Variants in KLF13 observed in about 807,000 individuals in gnomAD.
KLF13 encodes KLF transcription factor 13.
In KLF13, 8 loss-of-function variants were observed where a neutral mutation model predicts 16.7. The observed-to-expected ratio is 0.48, with a 90% CI of 0.28 to 0.87. The LOEUF (loss-of-function observed/expected upper bound fraction) is 0.87, where lower values mean the gene tolerates loss of function less well. Among genes scored for constraint, KLF13 ranks in the 40% least tolerant of loss-of-function variants. KLF13 has a pLI of 0.10. For synonymous variants in KLF13, 245 were observed against 208.4 expected, an observed-to-expected ratio of 1.18 and a Z score of -1.51; for missense variants, 447 against 452.2, an observed-to-expected ratio of 0.99 and a Z score of 0.10.
At position 31,376,400 on chromosome 15, in the gene KLF13, T is replaced by C. The variant is rs1206368507; in HGVS notation, c.*4101T>C. 1.3e-5 allele frequency: 2 copies of C among 152,308 alleles called. No homozygotes were observed. The highest frequency in any genetic ancestry group is 3.8e-4 in the East Asian group (2 of 5,198). The allele number at this position is 152,308 out of a possible 1,614,324, so 9.4% of individuals were successfully genotyped here. A position where few individuals can be genotyped will look rare whatever the true frequency, so the allele number is the denominator to read the frequency against. ...CACAGTGCTAGAGGTTTAAAGGGTG[T>C]AATGTGTTGGTCACATCACAACCAG... On this transcript the variant is annotated 3_prime_UTR_variant, in exon 2 of 2. Coordinates refer to ENST00000307145, the MANE Select transcript of KLF13 (RefSeq NM_015995.4).
chr15:31,412,131 G>A (rs2040203065), intron 1 of KLF13, among the ~76,000 whole-genome samples: 1 of 152,186 alleles, frequency 6.6e-6, no homozygotes. Context: ...AGTGGGATTA[G>A]CGCCCTTATA....
In KLF13 at chr15:31,326,895, G is replaced by C. The variant is rs1214791286; in HGVS notation, c.-318G>C. On this transcript the variant is annotated 5_prime_UTR_variant, in exon 1 of 2. Coordinates refer to ENST00000307145, the MANE Select transcript of KLF13 (RefSeq NM_015995.4). ...CTGCCACAATGCGCGGCGAAGCTGC[G>C]GCCGCGACTTGGCGAGGTGGTCCCT... 2 of 151,478 alleles carry C rather than the reference G, an allele frequency of 1.3e-5. No homozygotes were observed. The highest frequency in any genetic ancestry group is 1.3e-4 in the Admixed American group (2 of 15,170). 9.4% of individuals were successfully genotyped at this position (151,478 alleles called of 1,614,324 possible).
intron 1 of KLF13, among the ~76,000 whole-genome samples, chr15:31,365,710 A>G (rs975536617): frequency 2.0e-5 from 3 of 152,142 alleles, no homozygotes; most frequent in African/African-American, 7.2e-5. Flanking sequence ...GCAGGAGGGC[A>G]GAGCAGAGTG....
At chr15:31,351,712 G>A (rs2039219687) in intron 1 of KLF13, among the ~76,000 whole-genome samples, 1 of 152,208 alleles carries the variant, frequency 6.6e-6, no homozygotes, top group East Asian at 1.9e-4. Context: ...GCTGTTGGAT[G>A]TCTAAAAGGG....
chr15:31,357,662 C>T (rs1490967079), intron 1 of KLF13, among the ~76,000 whole-genome samples: 6 of 152,156 alleles, frequency 3.9e-5, no homozygotes, highest in Non-Finnish European at 8.8e-5. Context: ...GTCGTCAGTC[C>T]AGAGCTCCCT....
At chr15:31,386,431 G>A (rs1017236462) in intron 1 of KLF13, among the ~76,000 whole-genome samples, 5 of 152,252 alleles carry the variant, frequency 3.3e-5, no homozygotes, top group East Asian at 1.9e-4. Context: ...TCTGGGAGGC[G>A]GAGGTTGCAG....
chr15:31,405,040 T>G (rs915267577), downstream of KLF13, among the ~76,000 whole-genome samples: 1 of 152,208 alleles, frequency 6.6e-6, no homozygotes, highest in Non-Finnish European at 1.5e-5. Flanking sequence ...GATGGAACCA[T>G]GTGCCCCTGA....
At chr15:31,337,384 C>G (rs1248798204) in intron 1 of KLF13, among the ~76,000 whole-genome samples, 1 of 152,258 alleles carries the variant, frequency 6.6e-6, no homozygotes, top group East Asian at 1.9e-4. Context: ...TGGCCCCTTG[C>G]AGCTGTGTGT....
At chr15:31,405,658 A>C (rs1400743193), downstream of KLF13, among the ~76,000 whole-genome samples, 1 of 152,142 alleles carries the variant, frequency 6.6e-6, no homozygotes, top group Non-Finnish European at 1.5e-5. Context: ...GAAGCTGGGT[A>C]CCCTCTGGTG....
upstream of KLF13, among the ~76,000 whole-genome samples, chr15:31,392,378 G>C (rs1044440883): frequency 2.0e-5 from 3 of 152,244 alleles, no homozygotes; most frequent in Non-Finnish European, 2.9e-5. Context: ...GGGGCGCCGA[G>C]TCACGGGTCG....
intron 1 of KLF13, among the ~76,000 whole-genome samples, chr15:31,431,626 G>A (rs1352618842): frequency 1.3e-5 from 2 of 152,034 alleles, no homozygotes; most frequent in Non-Finnish European, 2.9e-5. Context: ...CATCATGTCC[G>A]GCTAATTTTT....
chr15:31,405,759 A>C (rs2040120101), downstream of KLF13, among the ~76,000 whole-genome samples: 1 of 152,190 alleles, frequency 6.6e-6, no homozygotes, highest in African/African-American at 2.4e-5. Flanking sequence ...CAGACCCCGG[A>C]ACCACAAAGG....
At chr15:31,357,825 A>G (rs947507070) in intron 1 of KLF13, among the ~76,000 whole-genome samples, 11 of 151,256 alleles carry the variant, frequency 7.3e-5, no homozygotes, top group African/African-American at 2.7e-4. Context: ...CACCCCCGCC[A>G]GAGACTCCCG....
chr15:31,330,342 C>T (rs2038805952), intron 1 of KLF13, among the ~76,000 whole-genome samples: 2 of 152,186 alleles, frequency 1.3e-5, no homozygotes, highest in Admixed American at 6.5e-5. Context: ...AAGGTGCCCC[C>T]GCCCCACTTC....
intron 1 of KLF13, among the ~76,000 whole-genome samples, chr15:31,434,886 G>A (rs74010633): frequency 0.088 from 13,435 of 152,244 alleles, 2,065 homozygotes; most frequent in African/African-American, 0.31. Context: ...TTCCTGCATG[G>A]GTGTCCCCCT....
chr15:31,372,057 G>C lies in KLF13; in HGVS notation c.625G>C (p.Ala209Pro), dbSNP rs2039562508. 1 of 1,611,698 alleles carries C rather than the reference G, an allele frequency of 6.2e-7. No homozygotes were observed. Among genetic ancestry groups the C allele is most frequent in the African/African-American group, 1.3e-5 (1 of 74,930 alleles). ...CSWQDCNKKF[A>P]RSDELARHYR... ...CTGGCAGGACTGCAACAAGAAGTTC[G>C]CGCGCTCCGACGAGCTGGCGCGGCA... The change falls in exon 2 of 2, where the codon GCG becomes CCG. Residue 209 changes from alanine (A) to proline (P), a missense_variant. Ala to Pro is a conservative substitution (Grantham distance 27, BLOSUM62 -1). This residue lies in a region of KLF13 where 88 missense variants were observed against 169.5 expected (regional missense o/e 0.52). Coordinates refer to ENST00000307145, the MANE Select transcript of KLF13 (RefSeq NM_015995.4).
At chr15:31,391,619 C>T (rs190327143), upstream of KLF13, among the ~76,000 whole-genome samples, 1 of 151,524 alleles carries the variant, frequency 6.6e-6, no homozygotes, top group Admixed American at 6.6e-5. Context: ...GCCCCCGCCC[C>T]CGACGCTTCC....
chr15:31,389,672 G>T (rs191447293), upstream of KLF13, among the ~76,000 whole-genome samples: 97 of 152,252 alleles, frequency 6.4e-4, no homozygotes, highest in African/African-American at 2.3e-3. Context: ...ACTCTCTCTA[G>T]GTCCCACAAC....
rs2038737340 is a variant in KLF13 at position 31,327,564 on chromosome 15, C to T, written c.352C>T (p.Pro118Ser). 1 of 1,142,530 alleles carries T rather than the reference C, an allele frequency of 8.8e-7. No homozygotes were observed. Among genetic ancestry groups the T allele is most frequent in the East Asian group, 4.3e-5 (1 of 23,444 alleles). 70.8% of individuals were successfully genotyped at this position (1,142,530 alleles called of 1,614,324 possible). ...CGCCGAAGGCGCGGCGGCCGCGCCC[C>T]CCAGCCCGGCGTGGAGCGAGCCGGA... Reference protein sequence around the residue: ...PGAEGAAAAPPSPAWSEPEPE... With the variant: ...PGAEGAAAAPSSPAWSEPEPE... The change falls in exon 1 of 2, where the codon CCC becomes TCC. Residue 118 changes from proline (P) to serine (S), a missense_variant. Pro to Ser is a moderately conservative substitution (Grantham distance 74, BLOSUM62 -1). Around this residue, in one of 2 missense-constraint regions of KLF13, gnomAD observed 359 missense variants for 282.8 expected, o/e 1.27. Coordinates refer to ENST00000307145, the MANE Select transcript of KLF13 (RefSeq NM_015995.4).
Sources: allele counts gnomAD v4.1 joint callset (sites outside exome capture counted in the v4.1 genomes callset), GRCh38; gene constraint gnomAD v4.1.1; regional missense constraint gnomAD v4.1.1; transcripts MANE v1.5; gene names NCBI Gene and HGNC (gene_info 2026-07-23, HGNC 2026-07-21).